The following CCND3 variants were observed in gnomAD, a reference collection of about 807,000 sequenced individuals.
CCND3 encodes cyclin D3.
Under a neutral mutation model 28.7 loss-of-function variants are expected in CCND3, and 9 were observed. That is an observed-to-expected ratio of 0.31 (90% CI 0.19 to 0.55). The LOEUF (loss-of-function observed/expected upper bound fraction) is 0.55. Ranked by LOEUF, CCND3 falls within the 20% of genes least tolerant of loss-of-function variation. The pLI is 0.93. For synonymous variants in CCND3, 164 were observed against 163.9 expected (o/e 1.00, Z 0.00); for missense variants, 315 against 385.8 (o/e 0.82, Z 1.54).
intron 1 of CCND3, among the ~76,000 whole-genome samples, chr6:41,978,998 C>G (rs1239309692): frequency 6.6e-6 from 1 of 150,834 alleles, no homozygotes; most frequent in African/African-American, 2.4e-5. Context: ...ATGGAGAAAC[C>G]CTGTCTCTAT....
rs766750657 is a variant in CCND3 at position 41,941,651 on chromosome 6, C to T, written c.-2G>A. ...GCCTTCGCAACACAGCAGCTCCATA[C>T]TCGGGCAGCGAACAGGCAGGGCGGG... On this transcript the variant is annotated 5_prime_UTR_variant, in exon 1 of 5. Coordinates refer to ENST00000372991, the MANE Select transcript of CCND3 (RefSeq NM_001760.5). This position sits in a 1 kb window ranked among gnomAD's most constrained non-coding sequence, Gnocchi z 6.1. 42 of 1,438,942 alleles carry T rather than the reference C, an allele frequency of 2.9e-5. No individual in the cohort carries two copies. Among genetic ancestry groups the T allele is most frequent in the Non-Finnish European group, 8.2e-6 (9 of 1,096,116 alleles). 89.1% of individuals were successfully genotyped at this position (1,438,942 alleles called of 1,614,324 possible). A position where few individuals can be genotyped will look rare whatever the true frequency, so the allele number is the denominator to read the frequency against.
At chr6:41,945,015 GTT>G (rs537560503), upstream of CCND3, among the ~76,000 whole-genome samples, 132 of 152,124 alleles carry the variant, frequency 8.7e-4, no homozygotes, top group Admixed American at 2.3e-3. Context: ...TCTTGTTTTT[GTT>G]TTTGTTTTTC....
chr6:42,023,108 A>T (rs1184900124), intron 1 of CCND3, among the ~76,000 whole-genome samples: 28 of 152,214 alleles, frequency 1.8e-4, no homozygotes, highest in Admixed American at 1.8e-3. Context: ...CAAAGCCATG[A>T]AAAATTTGAG....
At chr6:42,043,486 G>T (rs1207586890) in intron 1 of CCND3, among the ~76,000 whole-genome samples, 1 of 152,126 alleles carries the variant, frequency 6.6e-6, no homozygotes, top group South Asian at 2.1e-4. Context: ...GGCCAAGATC[G>T]TGCCAATGCA....
rs892246499 is a variant in CCND3, at chr6:41,984,344, T to TTTTG, written c.-45-43763_-45-43760dup. Reference sequence around the variant, plus strand: ...GCTGGATCATATGGTAGTTCTGTTTTTTTGTTTGTTTGTTTGTTTGAGACG... The same window carrying TTTTG: ...GCTGGATCATATGGTAGTTCTGTTTTTTTGTTTGTTTGTTTGTTTGTTTGAGACG... On this transcript the variant is annotated intron_variant, in intron 1 of 4. Transcript: ENST00000372988. Among the ~76,000 whole-genome samples, 24 of 152,184 alleles carry TTTTG rather than the reference T, an allele frequency of 1.6e-4. No individual in the cohort carries two copies. The East Asian group carries it at 2.3e-3, about 15-fold the overall frequency.
intron 1 of CCND3, among the ~76,000 whole-genome samples, chr6:41,968,837 ACT>A (rs1761957581): frequency 6.6e-6 from 1 of 151,844 alleles, no homozygotes; most frequent in South Asian, 2.1e-4. Flanking sequence ...ACGGAGTCTC[ACT>A]CTGTCACCCA....
At chr6:41,956,891 C>T (rs540511532) in intron 1 of CCND3, among the ~76,000 whole-genome samples, 4 of 152,010 alleles carry the variant, frequency 2.6e-5, no homozygotes, top group African/African-American at 7.2e-5. Context: ...ATTAGCCGGG[C>T]GTGGTGGCAG....
intron 1 of CCND3, among the ~76,000 whole-genome samples, chr6:41,954,525 C>G (rs1051968750): frequency 1.3e-5 from 2 of 150,270 alleles, no homozygotes; most frequent in Non-Finnish European, 3.0e-5. Context: ...GCACTCCAGC[C>G]TGGGTGACAG....
At chr6:42,042,558 C>G (rs919907173) in intron 1 of CCND3, among the ~76,000 whole-genome samples, 4 of 152,116 alleles carry the variant, frequency 2.6e-5, no homozygotes, top group Admixed American at 2.6e-4. Flanking sequence ...CGGGGTTTCT[C>G]CATGTCGGTC....
At chr6:41,965,801 C>A (rs1761871616) in intron 1 of CCND3, among the ~76,000 whole-genome samples, 1 of 152,158 alleles carries the variant, frequency 6.6e-6, no homozygotes, top group Non-Finnish European at 1.5e-5. Flanking sequence ...TAATCGATGC[C>A]GTAGGGTTAA....
intron 1 of CCND3, among the ~76,000 whole-genome samples, chr6:41,953,657 G>A (rs1209351285): frequency 6.6e-6 from 1 of 152,010 alleles, no homozygotes; most frequent in Non-Finnish European, 1.5e-5. Context: ...GAGCTATCCG[G>A]TGGTCTTGTG....
chr6:41,944,291 G>A (rs763050562), upstream of CCND3, among the ~76,000 whole-genome samples: 26 of 151,978 alleles, frequency 1.7e-4, no homozygotes, highest in Non-Finnish European at 3.4e-4. Context: ...GAACCATAAC[G>A]GCACATGACC....
chr6:41,951,583 A>AG (rs1776319011), intron 1 of CCND3, among the ~76,000 whole-genome samples: 1 of 138,286 alleles, frequency 7.2e-6, no homozygotes, highest in Non-Finnish European at 1.6e-5. Context: ...CACAAAAAAA[A>AG]AGATTAAGTG....
intron 1 of CCND3, among the ~76,000 whole-genome samples, chr6:41,948,680 A>G (rs1174519039): frequency 6.6e-6 from 1 of 151,966 alleles, no homozygotes; most frequent in African/African-American, 2.4e-5. Flanking sequence ...CTAGTAAAAA[A>G]TACAAAAAAA....
In CCND3 at chr6:42,000,407, A is replaced by AT. The variant is rs571356648; in HGVS notation, c.-46+48093dup. 4.0e-3 allele frequency among the ~76,000 whole-genome samples: 601 copies of AT among 149,588 alleles called. 6 individuals are homozygous for AT. Among genetic ancestry groups the AT allele is most frequent in the African/African-American group, 0.014 (569 of 40,750 alleles). ...AGGCGCCCGACACCACACCCGGCTA[A>AT]TTTTTTGTATTTTTAGTAGAGACAG... On this transcript the variant is annotated intron_variant, in intron 1 of 4. Coordinates refer to the CCND3 transcript ENST00000372988.
intron 1 of CCND3, among the ~76,000 whole-genome samples, chr6:42,022,404 T>C (rs1488762714): frequency 6.6e-6 from 1 of 152,128 alleles, no homozygotes; most frequent in African/African-American, 2.4e-5. Flanking sequence ...GGGTGGAGGA[T>C]GGAGGCGGGG....
intron 1 of CCND3, among the ~76,000 whole-genome samples, chr6:41,962,556 G>A (rs7745210): frequency 0.19 from 28,562 of 152,008 alleles, 3,204 homozygotes; most frequent in Non-Finnish European, 0.25. Context: ...GTTTGAGATC[G>A]GACTGCACAA....
chr6:42,021,830 G>A (rs1763721422), intron 1 of CCND3, among the ~76,000 whole-genome samples: 1 of 152,192 alleles, frequency 6.6e-6, no homozygotes, highest in Non-Finnish European at 1.5e-5. Flanking sequence ...CAGATCCTAG[G>A]AGAACAGAAC....
At chr6:41,953,381 G>A (rs1397148197) in intron 1 of CCND3, among the ~76,000 whole-genome samples, 5 of 152,058 alleles carry the variant, frequency 3.3e-5, no homozygotes, top group Non-Finnish European at 5.9e-5. Flanking sequence ...GACTCTGGGA[G>A]CTTTTCTCAG....
Sources: gnomAD v4.1 joint callset for allele counts (sites outside exome capture counted in the v4.1 genomes callset) on GRCh38, gnomAD v4.1.1 for gene constraint, Gnocchi (gnomAD v3.1) non-coding constraint, MANE v1.5 for transcripts, NCBI Gene and HGNC (gene_info 2026-07-23, HGNC 2026-07-21) for gene names.